ZNF407: variants seen among roughly 807,000 people sequenced by gnomAD.
ZNF407 encodes the protein zinc finger protein 407.
ZNF407 carries 17 observed loss-of-function variants against 131.2 expected under a neutral mutation model. That is an observed-to-expected ratio of 0.13 (90% CI 0.09 to 0.19). ZNF407 has a LOEUF of 0.19. ZNF407 is among the 10% of genes least tolerant of loss of function. The pLI is 1.00. For synonymous variants in ZNF407, 1,156 were observed against 1,062.0 expected, an observed-to-expected ratio of 1.09 and a Z score of -1.72; for missense variants, 2,681 against 2,830.6, an observed-to-expected ratio of 0.95 and a Z score of 1.20.
intron 3 of ZNF407, among the ~76,000 whole-genome samples, chr18:74,688,196 A>C (rs1967139916): frequency 6.6e-6 from 1 of 152,174 alleles, no homozygotes; most frequent in Non-Finnish European, 1.5e-5. Flanking sequence ...TTAAAGGGTG[A>C]TTGCCTTTGA....
intron 7 of ZNF407, among the ~76,000 whole-genome samples, chr18:74,909,119 A>C (rs960092744): frequency 6.9e-5 from 1 of 14,394 alleles, no homozygotes; most frequent in African/African-American, 9.5e-5. Context: ...TACTATAAAC[A>C]GGCCAAAAAA....
rs998339862 is a variant in ZNF407, at chr18:74,734,699, G to A, written c.4803-46729G>A. Among the ~76,000 whole-genome samples, 13 of 147,326 alleles carry A rather than the reference G, an allele frequency of 8.8e-5. 1 individual carries two copies. The highest frequency in any genetic ancestry group is 8.0e-4 in the Admixed American group (12 of 15,084). On this transcript the variant is annotated intron_variant, in intron 3 of 8. Coordinates refer to ENST00000299687, the MANE Select transcript of ZNF407 (RefSeq NM_017757.3). The stretch of plus-strand genomic sequence containing the variant: ...TGTGTGTGTGTGTGTGTGTGTGTGT[G>A]TGTGTGTGTGTTTTTGAGAGAATCA...
intron 4 of ZNF407, among the ~76,000 whole-genome samples, chr18:74,841,033 C>T (rs1433325001): frequency 6.6e-6 from 1 of 152,232 alleles, no homozygotes; most frequent in Non-Finnish European, 1.5e-5. Flanking sequence ...TGTCACCTCT[C>T]AGGCCCACCT....
At chr18:74,981,412 C>T (rs1462626714) in intron 8 of ZNF407, among the ~76,000 whole-genome samples, 1 of 152,188 alleles carries the variant, frequency 6.6e-6, no homozygotes, top group Non-Finnish European at 1.5e-5. Flanking sequence ...GCTCGAGACC[C>T]GAGGGCCACC....
intron 1 of ZNF407, among the ~76,000 whole-genome samples, chr18:74,626,574 C>T (rs1256552990): frequency 6.6e-6 from 1 of 152,070 alleles, no homozygotes; most frequent in Non-Finnish European, 1.5e-5. Flanking sequence ...TTGGTAGGTG[C>T]TCAGTACATA....
At chr18:74,922,931 C>T (rs1349999391) in intron 8 of ZNF407, among the ~76,000 whole-genome samples, 1 of 152,180 alleles carries the variant, frequency 6.6e-6, no homozygotes, top group African/African-American at 2.4e-5. Context: ...CAGTTTTCCT[C>T]TGAAGATGGG....
At chr18:75,055,333 T>C (rs1320778022) in intron 8 of ZNF407, among the ~76,000 whole-genome samples, 1 of 152,164 alleles carries the variant, frequency 6.6e-6, no homozygotes, top group Non-Finnish European at 1.5e-5. Context: ...CAAAGGTACA[T>C]GGTTGTGCAC....
intron 8 of ZNF407, among the ~76,000 whole-genome samples, chr18:75,008,169 G>C (rs1000589315): frequency 6.6e-6 from 1 of 152,148 alleles, no homozygotes; most frequent in African/African-American, 2.4e-5. Context: ...GACCCATGGA[G>C]GTTTTATTGC....
At chr18:74,665,684 C>T (rs1394912744) in intron 3 of ZNF407, among the ~76,000 whole-genome samples, 2 of 152,014 alleles carry the variant, frequency 1.3e-5, no homozygotes, top group Non-Finnish European at 2.9e-5. Flanking sequence ...ATAAGCAAAC[C>T]GTGTACTGCT....
chr18:74,747,102 A>G (rs1202159643), intron 3 of ZNF407, among the ~76,000 whole-genome samples: 2 of 152,218 alleles, frequency 1.3e-5, no homozygotes, highest in African/African-American at 4.8e-5. Context: ...TTAAAACATT[A>G]CATGGTATGT....
intron 7 of ZNF407, among the ~76,000 whole-genome samples, chr18:74,902,727 G>A (rs1203689023): frequency 1.3e-5 from 2 of 152,034 alleles, no homozygotes; most frequent in East Asian, 1.9e-4. Flanking sequence ...TGCATTTTTC[G>A]ATTAATACTC....
chr18:74,913,633 G>T (rs1207300176), intron 7 of ZNF407, among the ~76,000 whole-genome samples: 1 of 152,188 alleles, frequency 6.6e-6, no homozygotes, highest in African/African-American at 2.4e-5. Flanking sequence ...GGTCATCTGG[G>T]ACACAGGGTA....
intron 3 of ZNF407, among the ~76,000 whole-genome samples, chr18:74,674,903 C>G (rs1248567656): frequency 6.6e-6 from 1 of 152,196 alleles, no homozygotes; most frequent in Non-Finnish European, 1.5e-5. Flanking sequence ...TAAAAAGTGT[C>G]TCTGTGACTA....
chr18:74,761,056 G>T (rs2144973009), intron 3 of ZNF407, among the ~76,000 whole-genome samples: 1 of 152,196 alleles, frequency 6.6e-6, no homozygotes, highest in Admixed American at 6.5e-5. Context: ...AAAAATATCT[G>T]AAAATGCATT....
intron 4 of ZNF407, among the ~76,000 whole-genome samples, chr18:74,829,550 G>C (rs1970454337): frequency 6.6e-6 from 1 of 152,114 alleles, no homozygotes; most frequent in Non-Finnish European, 1.5e-5. Flanking sequence ...GAGTGAAGGG[G>C]AACAGAGATT....
At chr18:74,725,522 A>G (rs1390352597) in intron 3 of ZNF407, among the ~76,000 whole-genome samples, 2 of 152,194 alleles carry the variant, frequency 1.3e-5, no homozygotes, top group Non-Finnish European at 2.9e-5. Flanking sequence ...CTCATTGAGT[A>G]TCTTCATGTG....
At chr18:75,027,524 G>A (rs1367783856) in intron 8 of ZNF407, among the ~76,000 whole-genome samples, 2 of 152,200 alleles carry the variant, frequency 1.3e-5, no homozygotes, top group East Asian at 1.9e-4. Context: ...GGAGACAGAG[G>A]TGGTGGAACT....
At position 75,063,964 on chromosome 18, in the gene ZNF407, G is replaced by C. The variant is rs751694229; in HGVS notation, c.6243G>C (p.Gln2081His). 1 of 1,613,678 alleles carries C rather than the reference G, an allele frequency of 6.2e-7. No individual in the cohort carries two copies. The highest frequency in any genetic ancestry group is 8.5e-7 in the Non-Finnish European group (1 of 1,179,848). Residue 2081 changes from glutamine (Q) to histidine (H), a missense_variant, in exon 9 of 9, where the codon CAG becomes CAC. This residue lies in a region of ZNF407 where 620 missense variants were observed against 583.1 expected (regional missense o/e 1.06). Transcript: ENST00000299687. This position sits in a 1 kb window ranked among gnomAD's most constrained non-coding sequence, Gnocchi z 6.6. ...AGGTGGCCTTCAAGAAGATGGTCCA[G>C]GGCGTCCTCCAGTTTGCTGTGTGTG... ...RAQVAFKKMVQGVLQFAVCDT... is the reference protein window; with the variant it reads ...RAQVAFKKMVHGVLQFAVCDT...
At chr18:74,892,216 T>C (rs1410053824) in intron 7 of ZNF407, among the ~76,000 whole-genome samples, 1 of 152,160 alleles carries the variant, frequency 6.6e-6, no homozygotes. Flanking sequence ...AGCCGCAGCA[T>C]CCAGTTTCTG....
Sources: gnomAD v4.1 joint callset for allele counts (sites outside exome capture counted in the v4.1 genomes callset) on GRCh38, gnomAD v4.1.1 for gene constraint, gnomAD v4.1.1 regional missense constraint, Gnocchi (gnomAD v3.1) non-coding constraint, MANE v1.5 for transcripts, NCBI Gene and HGNC (gene_info 2026-07-23, HGNC 2026-07-21) for gene names.